The following MLC1 variants were observed in gnomAD, a reference collection of about 807,000 sequenced individuals.
MLC1 encodes membrane protein MLC1.
MLC1 carries 32 observed loss-of-function variants against 44.7 expected under a neutral mutation model. The ratio of observed to expected loss-of-function variants is 0.72; its 90% confidence interval spans 0.54 to 0.96. The LOEUF (loss-of-function observed/expected upper bound fraction) is 0.96. MLC1 is among the 40% of genes least tolerant of loss of function. MLC1 has a pLI of 0.00. For missense variants in MLC1, 459 were observed against 492.2 expected, an observed-to-expected ratio of 0.93 and a Z score of 0.64; for synonymous variants, 190 against 213.0, an observed-to-expected ratio of 0.89 and a Z score of 0.94.
chr22:50,069,098 A>C (rs4292181), intron 9 of MLC1, among the ~76,000 whole-genome samples: 18,558 of 146,850 alleles, frequency 0.13, 1,274 homozygotes, highest in South Asian at 0.24. Flanking sequence ...ACAATCTCTG[A>C]TCACTGCAAC....
chr22:50,072,396 T>C (rs893955461), intron 8 of MLC1, among the ~76,000 whole-genome samples: 1 of 152,318 alleles, frequency 6.6e-6, no homozygotes, highest in Non-Finnish European at 1.5e-5. Context: ...CTCAGGCAGG[T>C]GGAGCTGGGT....
intron 9 of MLC1, 152 bp from the exon 10 acceptor site, chr22:50,068,707 C>T: frequency 1.4e-6 from 1 of 721,086 alleles, no homozygotes; most frequent in Non-Finnish European, 2.2e-6. Context: ...AAACCTCTGC[C>T]TTTTCTTTTT....
At chr22:50,066,659 T>TA (rs201958391) in intron 10 of MLC1, among the ~76,000 whole-genome samples, 2,059 of 143,322 alleles carry the variant, frequency 0.014, 32 homozygotes, top group African/African-American at 0.043. Flanking sequence ...GACTCTATCT[T>TA]AAAAAAAAAA....
At chr22:50,074,644 A>C in intron 7 of MLC1, 1 of 387,266 alleles carries the variant, frequency 2.6e-6, no homozygotes, top group South Asian at 2.2e-5. Flanking sequence ...AGACCCTCAG[A>C]CTCCCTTCCC....
rs1398115504 is a variant in MLC1, at chr22:50,083,447, GC to G, written c.178-275del. Among the ~76,000 whole-genome samples, 1 of 152,262 alleles carries G rather than the reference GC, an allele frequency of 6.6e-6. No homozygotes were observed. The highest frequency in any genetic ancestry group is 1.9e-4 in the East Asian group (1 of 5,170). ...CTGGAGGAGAGAAGAAAGGGGATCT[GC>G]CAATATTTAGAGCAAGGAATGGCAC... On this transcript the variant is annotated intron_variant, in intron 2 of 11. Coordinates refer to ENST00000311597, the MANE Select transcript of MLC1 (RefSeq NM_015166.4). This position sits in a 1 kb window ranked among gnomAD's most constrained non-coding sequence, Gnocchi z 4.6.
intron 9 of MLC1, among the ~76,000 whole-genome samples, chr22:50,069,561 G>A (rs890408455): frequency 3.3e-5 from 5 of 151,774 alleles, no homozygotes. Flanking sequence ...CAGGAGAATC[G>A]CTTGAACCCG....
chr22:50,064,126 C>A lies in MLC1; in HGVS notation c.967G>T (p.Ala323Ser). 4 of 1,609,542 alleles carry A rather than the reference C, an allele frequency of 2.5e-6. No individual in the cohort carries two copies. Among genetic ancestry groups the A allele is most frequent in the Non-Finnish European group, 2.5e-6 (3 of 1,179,780 alleles). The change falls in exon 11 of 12, where the codon GCC becomes TCC. Residue 323 changes from alanine to serine, a missense_variant. Coordinates refer to ENST00000311597, the MANE Select transcript of MLC1 (RefSeq NM_015166.4). ...ACCTTGAAGCGCACGCACTGGATGG[C>A]GGTGCCCGTGTTGAGGCCGGCCTGC... Reference protein sequence around the residue: ...LLQAGLNTGTAIQCVRFKVSA... With the variant: ...LLQAGLNTGTSIQCVRFKVSA...
Position 50,061,515 on chromosome 22 carries a change from T to G in MLC1, c.*68A>C. The G allele has an allele frequency of 6.1e-6, 9 of 1,481,820 alleles. No homozygotes were observed. The highest frequency in any genetic ancestry group is 1.4e-5 in the African/African-American group (1 of 72,126). 91.8% of individuals were successfully genotyped at this position (1,481,820 alleles called of 1,614,324 possible). On this transcript the variant is annotated 3_prime_UTR_variant, in exon 12 of 12. Transcript: ENST00000311597. Reference sequence around the variant, plus strand: ...TGTTAGAAGCAGTAGCTCAGGGCGATTAGGGGTTGTGCGTTTCCATGCTTG... The same window carrying G: ...TGTTAGAAGCAGTAGCTCAGGGCGAGTAGGGGTTGTGCGTTTCCATGCTTG...
At chr22:50,064,734 G>A (rs976442129) in intron 10 of MLC1, among the ~76,000 whole-genome samples, 1 of 152,118 alleles carries the variant, frequency 6.6e-6, no homozygotes, top group Admixed American at 6.5e-5. Flanking sequence ...TGGAGGGAGC[G>A]GCCGAGGATG....
At chr22:50,066,161 G>A (rs922227940) in intron 10 of MLC1, among the ~76,000 whole-genome samples, 1 of 151,846 alleles carries the variant, frequency 6.6e-6, no homozygotes, top group Non-Finnish European at 1.5e-5. Context: ...GACAGAGTGA[G>A]ACCCTGTCTC....
At chr22:50,079,367 G>A (rs575131804) in intron 5 of MLC1, among the ~76,000 whole-genome samples, 125 of 151,352 alleles carry the variant, frequency 8.3e-4, no homozygotes, top group African/African-American at 2.9e-3. Context: ...CCTGCCCAAC[G>A]AGAGTGGCCA....
chr22:50,063,709 CTGAGCACCCCTG>C (rs1569241490), intron 11 of MLC1, among the ~76,000 whole-genome samples: 1 of 141,330 alleles, frequency 7.1e-6, no homozygotes, highest in Non-Finnish European at 1.5e-5. Flanking sequence ...ACCTCCCTGG[CTGAGCACCCCTG>C]TGGGCCACTC....
chr22:50,083,329 T>G lies in MLC1; in HGVS notation c.178-156A>C, dbSNP rs1210106408. Among the ~76,000 whole-genome samples, 1 of 151,918 alleles carries G rather than the reference T, an allele frequency of 6.6e-6. No homozygotes were observed. The highest frequency in any genetic ancestry group is 1.5e-5 in the Non-Finnish European group (1 of 67,992). On this transcript the variant is annotated intron_variant, in intron 2 of 11. Coordinates refer to ENST00000311597, the MANE Select transcript of MLC1 (RefSeq NM_015166.4). The surrounding 1 kb of genome is among the most constrained non-coding windows in gnomAD (Gnocchi z 4.6). ...CACCTGGGACCCGCCCATCCTGGAC[T>G]CCTCCTGTAGGACAGACGCAGCCCC...
chr22:50,085,209 T>G, intron 1 of MLC1, 146 bp downstream of exon 1: 1 of 1,263,344 alleles, frequency 7.9e-7, no homozygotes, highest in South Asian at 1.6e-5. Flanking sequence ...GCCCTCCAGG[T>G]GCAACACCTG....
At chr22:50,072,303 G>A (rs1212699652) in intron 8 of MLC1, among the ~76,000 whole-genome samples, 1 of 152,202 alleles carries the variant, frequency 6.6e-6, no homozygotes, top group African/African-American at 2.4e-5. Flanking sequence ...CAGGCCTGCA[G>A]CCCAGCCCCC....
intron 6 of MLC1, 129 bp from the exon 7 acceptor site, chr22:50,077,041 G>T: frequency 1.1e-6 from 1 of 894,764 alleles, no homozygotes; most frequent in East Asian, 2.4e-5. Flanking sequence ...CCTTGGAGGC[G>T]CCCGTGGATC....
intron 11 of MLC1, among the ~76,000 whole-genome samples, chr22:50,062,789 G>A (rs938962043): frequency 2.0e-5 from 3 of 152,254 alleles, no homozygotes; most frequent in Non-Finnish European, 2.9e-5. Context: ...AGTCCTAGTG[G>A]TCACTGCACC....
rs2061654031 is a variant in MLC1, at chr22:50,064,184, C to T, written c.909G>A (p.Val303=). 1 of 1,599,876 alleles carries T rather than the reference C, an allele frequency of 6.3e-7. No individual in the cohort carries two copies. The highest frequency in any genetic ancestry group is 1.1e-5 in the South Asian group (1 of 90,338). ...GCACTAGCAGCAGCAGCAGCAGCAG[C>T]ACATCGTAGGATGGCTGCAGGCGGA... ...YPPAIKPSYD[V]LLLLLLLVLL... is the part of the protein sequence containing the mutation. The change falls in exon 11 of 12, where the codon GTG becomes GTA. Residue 303 remains valine (V), a synonymous_variant. Coordinates refer to ENST00000311597, the MANE Select transcript of MLC1 (RefSeq NM_015166.4).
chr22:50,069,414 G>A (rs1330464507), intron 9 of MLC1, among the ~76,000 whole-genome samples: 2 of 152,088 alleles, frequency 1.3e-5, no homozygotes, highest in Admixed American at 6.5e-5. Context: ...GGAGGCCGAG[G>A]AGGGCGGATC....
Sources: gnomAD v4.1 joint callset for allele counts (sites outside exome capture counted in the v4.1 genomes callset) on GRCh38, gnomAD v4.1.1 for gene constraint, Gnocchi (gnomAD v3.1) non-coding constraint, MANE v1.5 for transcripts, NCBI Gene and HGNC (gene_info 2026-07-23, HGNC 2026-07-21) for gene names.